LRRC4C: variants seen among roughly 807,000 people sequenced by gnomAD.
LRRC4C encodes leucine-rich repeat-containing protein 4C.
Under a neutral mutation model 33.6 loss-of-function variants are expected in LRRC4C, and 5 were observed. The ratio of observed to expected loss-of-function variants is 0.15; its 90% confidence interval spans 0.08 to 0.31. LRRC4C has a LOEUF of 0.31. Ranked by LOEUF, LRRC4C falls within the 10% of genes least tolerant of loss-of-function variation. LRRC4C has a pLI of 1.00. For synonymous variants in LRRC4C, 329 were observed against 302.0 expected (o/e 1.09, Z -0.93); for missense variants, 560 against 796.7 (o/e 0.70, Z 3.58).
At chr11:40,189,531 A>G (rs1305653748) in intron 5 of LRRC4C, among the ~76,000 whole-genome samples, 1 of 152,228 alleles carries the variant, frequency 6.6e-6, no homozygotes, top group Non-Finnish European at 1.5e-5. Flanking sequence ...CCTTCTATAA[A>G]AAGAAGTGAG....
At chr11:40,207,434 C>T (rs2902069) in intron 5 of LRRC4C, among the ~76,000 whole-genome samples, 89,658 of 151,858 alleles carry the variant, frequency 0.59, 26,678 homozygotes, top group Admixed American at 0.64. Flanking sequence ...AGATTCCATC[C>T]CTACAAATGA....
chr11:40,517,865 A>G (rs1955635843), intron 3 of LRRC4C, among the ~76,000 whole-genome samples: 1 of 152,196 alleles, frequency 6.6e-6, no homozygotes, highest in African/African-American at 2.4e-5. Context: ...AAACTATACT[A>G]CAAGTCTACA....
intron 5 of LRRC4C, among the ~76,000 whole-genome samples, chr11:40,204,930 C>T (rs1863035255): frequency 6.6e-6 from 1 of 152,188 alleles, no homozygotes; most frequent in Non-Finnish European, 1.5e-5. Flanking sequence ...TCATTCTTTC[C>T]TTCATCAACC....
At chr11:40,962,600 G>A (rs1046558236) in intron 1 of LRRC4C, among the ~76,000 whole-genome samples, 2 of 151,670 alleles carry the variant, frequency 1.3e-5, no homozygotes, top group Admixed American at 6.6e-5. Context: ...TTTCACAAGC[G>A]AATCTTTGTT....
chr11:40,506,200 T>G (rs1228782782), intron 3 of LRRC4C, among the ~76,000 whole-genome samples: 1 of 152,162 alleles, frequency 6.6e-6, no homozygotes, highest in Non-Finnish European at 1.5e-5. Context: ...TTTATTCAAC[T>G]TAATTCAATT....
intron 3 of LRRC4C, among the ~76,000 whole-genome samples, chr11:40,620,425 C>T (rs544049338): frequency 4.6e-5 from 7 of 151,694 alleles, no homozygotes; most frequent in African/African-American, 9.7e-5. Flanking sequence ...TTCTCTTCCA[C>T]GGCTGGAAGG....
intron 2 of LRRC4C, among the ~76,000 whole-genome samples, chr11:40,794,658 C>G (rs924789921): frequency 1.2e-4 from 19 of 152,206 alleles, no homozygotes; most frequent in African/African-American, 4.6e-4. Context: ...TTCTAAAGGG[C>G]CTTGGGAGGT....
intron 1 of LRRC4C, among the ~76,000 whole-genome samples, chr11:40,949,003 A>G (rs1421019757): frequency 6.6e-5 from 10 of 151,946 alleles, no homozygotes; most frequent in Admixed American, 3.3e-4. Flanking sequence ...GAGTGTTCCT[A>G]TTTCTCCACA....
chr11:41,441,618 A>AG, intron 1 of LRRC4C, among the ~76,000 whole-genome samples: 1 of 151,370 alleles, frequency 6.6e-6, no homozygotes, highest in South Asian at 2.1e-4. Flanking sequence ...TCCAGTTAAA[A>AG]AAAAAAAAAA....
chr11:40,984,646 AAATTACAATATTGCTAC>A (rs1182437515), intron 1 of LRRC4C, among the ~76,000 whole-genome samples: 4 of 152,266 alleles, frequency 2.6e-5, no homozygotes. Flanking sequence ...ATTTACATCT[AAATTACAATATTGCTAC>A]AATTTTATAC....
At chr11:40,553,998 A>G (rs1393864576) in intron 3 of LRRC4C, among the ~76,000 whole-genome samples, 1 of 151,986 alleles carries the variant, frequency 6.6e-6, no homozygotes, top group Non-Finnish European at 1.5e-5. Flanking sequence ...GCTTTTGAGG[A>G]CTTAGTCATA....
intron 1 of LRRC4C, among the ~76,000 whole-genome samples, chr11:40,940,253 C>A (rs1253164876): frequency 6.6e-6 from 1 of 152,020 alleles, no homozygotes; most frequent in Non-Finnish European, 1.5e-5. Context: ...AAACAAAGTG[C>A]TCATGAAAAA....
At position 40,161,757 on chromosome 11, in the gene LRRC4C, C is replaced by T. The variant is rs1000249899; in HGVS notation, c.-95-20904G>A. 9.2e-5 allele frequency among the ~76,000 whole-genome samples: 14 copies of T among 151,752 alleles called. No individual in the cohort carries two copies. The South Asian group carries it at 1.3e-3, about 14-fold the overall frequency. On this transcript the variant is annotated intron_variant, in intron 5 of 6. Transcript: ENST00000528697. ...GGGCAACAGAGCGAGACTCCTTCTC[C>T]GAAAAAAATTAAAAAGAAAATTAGA...
intron 3 of LRRC4C, among the ~76,000 whole-genome samples, chr11:40,341,066 C>T (rs1946844150): frequency 6.6e-6 from 1 of 152,160 alleles, no homozygotes; most frequent in African/African-American, 2.4e-5. Context: ...GGAATCATAA[C>T]ATCAAAGGCT....
At chr11:41,161,880 A>G (rs1944486845) in intron 1 of LRRC4C, among the ~76,000 whole-genome samples, 1 of 152,218 alleles carries the variant, frequency 6.6e-6, no homozygotes, top group Non-Finnish European at 1.5e-5. Flanking sequence ...GAGTAACAAC[A>G]CCTCTAGGTG....
At chr11:40,459,134 C>G (rs114287593) in intron 3 of LRRC4C, among the ~76,000 whole-genome samples, 355 of 152,184 alleles carry the variant, frequency 2.3e-3, no homozygotes, top group African/African-American at 7.9e-3. Context: ...TTTCTAATGA[C>G]CTTCCCTCTT....
intron 1 of LRRC4C, among the ~76,000 whole-genome samples, chr11:41,223,230 C>A (rs570137523): frequency 1.3e-5 from 2 of 152,200 alleles, no homozygotes; most frequent in Non-Finnish European, 2.9e-5. Context: ...GGCTATGACT[C>A]CATCGTTGAT....
intron 1 of LRRC4C, among the ~76,000 whole-genome samples, chr11:41,164,270 C>T (rs968287480): frequency 5.4e-5 from 8 of 148,506 alleles, no homozygotes; most frequent in African/African-American, 7.4e-5. Context: ...GACAGAGGGT[C>T]AGGGTCATAA....
intron 2 of LRRC4C, among the ~76,000 whole-genome samples, chr11:40,909,686 C>G (rs1956581594): frequency 6.6e-6 from 1 of 152,020 alleles, no homozygotes. Context: ...GGGAGGAAAC[C>G]CATGACTCAT....
Sources: allele counts gnomAD v4.1 joint callset (sites outside exome capture counted in the v4.1 genomes callset), GRCh38; gene constraint gnomAD v4.1.1; transcripts MANE v1.5; gene names NCBI Gene and HGNC (gene_info 2026-07-23, HGNC 2026-07-21).